Variants in NYAP2 observed in about 807,000 individuals in gnomAD.
NYAP2 encodes the protein neuronal tyrosine-phosphorylated phosphoinositide-3-kinase adapter 2.
A neutral mutation model predicts 50.4 loss-of-function variants in NYAP2; 23 were observed. The ratio of observed to expected loss-of-function variants is 0.46; its 90% confidence interval spans 0.33 to 0.65. The LOEUF (loss-of-function observed/expected upper bound fraction) is 0.65. Among genes scored for constraint, NYAP2 ranks in the 30% least tolerant of loss-of-function variants. NYAP2 has a pLI of 0.02. For synonymous variants in NYAP2, 394 were observed against 365.2 expected (o/e 1.08, Z -0.90); for missense variants, 885 against 861.0 (o/e 1.03, Z -0.35).
intron 3 of NYAP2, among the ~76,000 whole-genome samples, chr2:225,454,887 G>A (rs1689714065): frequency 1.3e-5 from 2 of 152,024 alleles, no homozygotes; most frequent in Non-Finnish European, 1.5e-5. Context: ...GATTTCAGAT[G>A]GAATTAGGTT....
chr2:225,619,769 A>G (rs771601657), intron 5 of NYAP2, among the ~76,000 whole-genome samples: 1 of 152,180 alleles, frequency 6.6e-6, no homozygotes, highest in African/African-American at 2.4e-5. Flanking sequence ...TCAAAAATGA[A>G]TTGCTCCTGG....
At chr2:225,520,080 G>C (rs1177198939) in intron 4 of NYAP2, among the ~76,000 whole-genome samples, 5 of 152,214 alleles carry the variant, frequency 3.3e-5, no homozygotes, top group Non-Finnish European at 7.3e-5. Context: ...CTTTTGAGAA[G>C]TGTCTGTTCA....
intron 3 of NYAP2, among the ~76,000 whole-genome samples, chr2:225,425,214 G>T (rs1232730750): frequency 1.3e-5 from 2 of 152,162 alleles, no homozygotes; most frequent in African/African-American, 4.8e-5. Context: ...GGAATCAGGT[G>T]CATTCCTATA....
chr2:225,457,343 A>C (rs558429062), intron 3 of NYAP2, among the ~76,000 whole-genome samples: 2 of 152,216 alleles, frequency 1.3e-5, no homozygotes. Context: ...TTATGAGTAA[A>C]TTTCACCTTC....
At chr2:225,400,075 C>T (rs1694834654) in exon 1 of NYAP2, 1 of 151,976 alleles carries the variant, frequency 6.6e-6, no homozygotes, top group South Asian at 2.1e-4. Flanking sequence ...CCCAGGGAGC[C>T]GAAATCCAAA....
chr2:225,408,567 A>G (rs1392899507), intron 2 of NYAP2, among the ~76,000 whole-genome samples: 1 of 152,064 alleles, frequency 6.6e-6, no homozygotes, highest in African/African-American at 2.4e-5. Context: ...TATTATTGTA[A>G]TTATGCAACC....
intron 1 of NYAP2, 132 bp downstream of exon 1, chr2:225,400,387 G>C (rs1217231784): frequency 6.6e-6 from 1 of 151,846 alleles, no homozygotes; most frequent in Non-Finnish European, 1.5e-5. Context: ...TGGAGGGAGA[G>C]AGAATGAGAG....
intron 4 of NYAP2, among the ~76,000 whole-genome samples, chr2:225,526,515 T>C (rs1272352348): frequency 6.6e-6 from 1 of 152,214 alleles, no homozygotes; most frequent in Admixed American, 6.5e-5. Context: ...AATAGCTGCT[T>C]AGCTTTTTCT....
intron 4 of NYAP2, among the ~76,000 whole-genome samples, chr2:225,568,058 A>G (rs924461476): frequency 1.3e-5 from 2 of 152,142 alleles, no homozygotes; most frequent in Non-Finnish European, 2.9e-5. Flanking sequence ...TGGTCTTGCT[A>G]TATTAAGCTT....
chr2:225,561,851 T>C (rs959795162), intron 4 of NYAP2, among the ~76,000 whole-genome samples: 2 of 152,142 alleles, frequency 1.3e-5, no homozygotes, highest in East Asian at 3.8e-4. Context: ...TGTTAAATCA[T>C]GTGCTCATCT....
At chr2:225,693,354 G>C in the NYAP2 span, among the ~76,000 whole-genome samples, 6 of 151,924 alleles carry the variant, frequency 3.9e-5, no homozygotes, top group South Asian at 1.0e-3. Flanking sequence ...GTGGAGTTAT[G>C]GGTTTTGAGG....
At chr2:225,505,903 G>T (rs932711773) in intron 3 of NYAP2, among the ~76,000 whole-genome samples, 6 of 152,090 alleles carry the variant, frequency 3.9e-5, no homozygotes, top group Non-Finnish European at 8.8e-5. Context: ...GATGAAGCAG[G>T]TCCGGACTTC....
At chr2:225,673,882 G>A in the NYAP2 span, among the ~76,000 whole-genome samples, 1 of 152,106 alleles carries the variant, frequency 6.6e-6, no homozygotes, top group Non-Finnish European at 1.5e-5. Context: ...AGTCCTGTGT[G>A]TACTCACTAC....
intron 3 of NYAP2, among the ~76,000 whole-genome samples, chr2:225,485,796 A>G (rs918923152): frequency 4.6e-5 from 7 of 152,166 alleles, no homozygotes; most frequent in Non-Finnish European, 8.8e-5. Flanking sequence ...CATTACCTCA[A>G]AAAGCTTCAG....
At chr2:225,458,669 C>T (rs1020266171) in intron 3 of NYAP2, among the ~76,000 whole-genome samples, 1 of 152,220 alleles carries the variant, frequency 6.6e-6, no homozygotes, top group Non-Finnish European at 1.5e-5. Flanking sequence ...GTTTACATGT[C>T]TGTGTGAAGA....
chr2:225,570,284 T>C (rs2106221373), intron 4 of NYAP2, among the ~76,000 whole-genome samples: 1 of 152,296 alleles, frequency 6.6e-6, no homozygotes, highest in Admixed American at 6.5e-5. Flanking sequence ...AAACTCCCTC[T>C]CATCAGATGT....
chr2:225,426,257 G>T (rs528444156), intron 3 of NYAP2, among the ~76,000 whole-genome samples: 2 of 151,712 alleles, frequency 1.3e-5, no homozygotes, highest in African/African-American at 4.8e-5. Flanking sequence ...ATTCTTCCTC[G>T]CTGTGTGATT....
At chr2:225,442,076 A>C (rs1689478782) in intron 3 of NYAP2, among the ~76,000 whole-genome samples, 1 of 152,220 alleles carries the variant, frequency 6.6e-6, no homozygotes, top group African/African-American at 2.4e-5. Context: ...TTGTCTGATA[A>C]TTTTATTATA....
the NYAP2 span, among the ~76,000 whole-genome samples, chr2:225,668,096 A>G: frequency 6.6e-6 from 1 of 152,186 alleles, no homozygotes; most frequent in African/African-American, 2.4e-5. Flanking sequence ...ACGACATTAC[A>G]TATAGTTTTC....
Sources: allele counts gnomAD v4.1 joint callset (sites outside exome capture counted in the v4.1 genomes callset), GRCh38; gene constraint gnomAD v4.1.1; transcripts MANE v1.5; gene names NCBI Gene and HGNC (gene_info 2026-07-23, HGNC 2026-07-21).